The following POLD1 variants were observed in gnomAD, a reference collection of about 807,000 sequenced individuals.
POLD1 encodes the protein DNA polymerase delta 1, catalytic subunit.
Under a neutral mutation model 129.7 loss-of-function variants are expected in POLD1, and 79 were observed. The ratio of observed to expected loss-of-function variants is 0.61; its 90% CI spans 0.51 to 0.73. The LOEUF (loss-of-function observed/expected upper bound fraction) is 0.73, where lower values mean the gene tolerates loss of function less well. POLD1 is among the 30% of genes least tolerant of loss of function. The probability of loss-of-function intolerance (pLI) is 0.00; values close to 1 mark genes in which losing one functional copy is unlikely to be tolerated. For missense variants in POLD1, 1,338 were observed against 1,595.8 expected (o/e 0.84, Z 2.75); for synonymous variants, 714 against 683.3 (o/e 1.04, Z -0.70).
At chr19:50,408,945 G>T in intron 15 of POLD1, 44 bp downstream of exon 15, 1 of 1,565,480 alleles carries the variant, frequency 6.4e-7, no homozygotes, top group Non-Finnish European at 8.7e-7. Flanking sequence ...GCCCATCTGG[G>T]CCTTCCCTTG....
Position 50,413,811 on chromosome 19 carries a change from C to T in POLD1, c.2320C>T (p.Leu774=), listed in dbSNP as rs1197236198. The T allele has an allele frequency of 6.2e-7, 1 of 1,612,474 alleles. No individual in the cohort carries two copies. Among genetic ancestry groups the T allele is most frequent in the Non-Finnish European group, 8.5e-7 (1 of 1,179,634 alleles). Residue 774 remains leucine, a synonymous_variant, in exon 19 of 27, where the codon CTG becomes TTG. Coordinates refer to ENST00000440232, the MANE Select transcript of POLD1 (RefSeq NM_002691.4). ...GTCCTCGGTGGCTGAGGCGATGGCC[C>T]TGGGGCGGGAGGCCGCGGACTGGGT... ...GVSSVAEAMA[L]GREAADWVSG...
chr19:50,409,333 C>G lies in POLD1; in HGVS notation c.2006+98C>G, dbSNP rs896014676. On this transcript the variant is annotated intron_variant, in intron 16 of 26. Transcript: ENST00000440232. This position sits in a 1 kb window ranked among gnomAD's most constrained non-coding sequence, Gnocchi z 5.8. Reference sequence around the variant, plus strand: ...GACACCCCAGGGCTGCCCAGCCACCCTGCCCTCAGCTGTGCGTGAATTAGC... The same window carrying G: ...GACACCCCAGGGCTGCCCAGCCACCGTGCCCTCAGCTGTGCGTGAATTAGC... 8.3e-7 allele frequency: 1 copy of G among 1,207,078 alleles called. No individual in the cohort carries two copies. Among genetic ancestry groups the G allele is most frequent in the Non-Finnish European group, 1.2e-6 (1 of 832,364 alleles). 74.8% of individuals were successfully genotyped at this position (1,207,078 alleles called of 1,614,324 possible).
At chr19:50,390,176 T>G (rs537697681) in intron 1 of POLD1, among the ~76,000 whole-genome samples, 2 of 152,108 alleles carry the variant, frequency 1.3e-5, no homozygotes, top group African/African-American at 4.8e-5. Context: ...CTCATAGTGT[T>G]GGGATTACAG....
chr19:50,387,368 C>T (rs1235774172), intron 1 of POLD1, among the ~76,000 whole-genome samples: 1 of 152,150 alleles, frequency 6.6e-6, no homozygotes, highest in Non-Finnish European at 1.5e-5. Context: ...ATCGAGAAAA[C>T]TGGTGTCTGG....
intron 1 of POLD1, among the ~76,000 whole-genome samples, chr19:50,388,270 A>T (rs2038036278): frequency 6.6e-6 from 1 of 152,328 alleles, no homozygotes; most frequent in South Asian, 2.1e-4. Context: ...AACTCTGAAC[A>T]TACTAAATAC....
At chr19:50,407,893 C>G (rs2122353026) in intron 14 of POLD1, among the ~76,000 whole-genome samples, 1 of 150,324 alleles carries the variant, frequency 6.7e-6, no homozygotes, top group African/African-American at 2.4e-5. Context: ...TAAAAATTAG[C>G]CAGGCGTGGT....
chr19:50,394,969 GGGGTTCCA>G (rs1164880162), intron 1 of POLD1: 1 of 151,464 alleles, frequency 6.6e-6, no homozygotes, highest in Non-Finnish European at 1.5e-5. Flanking sequence ...CCAAGTAGCT[GGGGTTCCA>G]GGTGTGCGCC....
At chr19:50,401,945 C>A (rs2122235872) in intron 4 of POLD1, 21 bp downstream of exon 4, 1 of 1,614,094 alleles carries the variant, frequency 6.2e-7, no homozygotes, top group Non-Finnish European at 8.5e-7. Context: ...CCTACCCAGC[C>A]CCTCCCTGAG....
rs545962328 is a variant in POLD1 at position 50,413,855 on chromosome 19, G to A, written c.2364G>A (p.Ser788=). 12 of 1,606,700 alleles carry A rather than the reference G, an allele frequency of 7.5e-6. No homozygotes were observed. The highest frequency in any genetic ancestry group is 2.2e-5 in the South Asian group (2 of 90,182). ...AADWVSGHFP[S]PIRLEFEKVY... is the part of the protein sequence containing the mutation. ...ACTGGGTGTCAGGTCACTTCCCGTCGCCCATCCGGCTGGAGTTTGAGAAGG... is the reference window on the plus strand; with the variant it reads ...ACTGGGTGTCAGGTCACTTCCCGTCACCCATCCGGCTGGAGTTTGAGAAGG... The change falls in exon 19 of 27, where the codon TCG becomes TCA. Residue 788 remains serine (S), a synonymous_variant. Coordinates refer to ENST00000440232, the MANE Select transcript of POLD1 (RefSeq NM_002691.4).
At chr19:50,393,204 G>T (rs2038231382) in intron 1 of POLD1, among the ~76,000 whole-genome samples, 1 of 152,114 alleles carries the variant, frequency 6.6e-6, no homozygotes, top group Non-Finnish European at 1.5e-5. Flanking sequence ...TGTACAGTCA[G>T]CTGTATAGTG....
chr19:50,415,663 C>T (rs898767168), intron 21 of POLD1, 61 bp from the exon 22 acceptor site: 12 of 1,506,584 alleles, frequency 8.0e-6, no homozygotes, highest in Non-Finnish European at 1.1e-5. Flanking sequence ...CTTCCTACAC[C>T]CTCGCCCCCA....
chr19:50,400,973 G>A (rs912955869), intron 3 of POLD1, among the ~76,000 whole-genome samples: 1 of 151,746 alleles, frequency 6.6e-6, no homozygotes, highest in African/African-American at 2.4e-5. Flanking sequence ...TGAGATTACA[G>A]GCTTGAGCCA....
At chr19:50,391,126 C>G (rs574275834) in intron 1 of POLD1, among the ~76,000 whole-genome samples, 805 of 144,208 alleles carry the variant, frequency 5.6e-3, no homozygotes, top group African/African-American at 0.022. Context: ...AGGCGCTCCT[C>G]ACATCCCAGA....
chr19:50,416,058 C>T, intron 22 of POLD1: 2 of 575,810 alleles, frequency 3.5e-6, no homozygotes, highest in Non-Finnish European at 6.1e-6. Context: ...CCTGTGCATA[C>T]AGCTCCCCAG....
Position 50,402,030 on chromosome 19 carries a change from A to G in POLD1, c.495A>G (p.Gln165=), listed in dbSNP as rs756717437. ...GFGPEHMGDL[Q]RELNLAISRD... Reference sequence around the variant, plus strand: ...GGCCCGAGCACATGGGTGACCTGCAACGGGAGCTGAACTTGGCCATCAGCC... The same window carrying G: ...GGCCCGAGCACATGGGTGACCTGCAGCGGGAGCTGAACTTGGCCATCAGCC... The change falls in exon 5 of 27, where the codon CAA becomes CAG. Residue 165 remains glutamine (Q), a synonymous_variant. Transcript: ENST00000440232. 31 of 1,613,910 alleles carry G rather than the reference A, an allele frequency of 1.9e-5. No individual in the cohort carries two copies. The East Asian group carries it at 2.7e-4, about 14-fold the overall frequency.
intron 1 of POLD1, among the ~76,000 whole-genome samples, chr19:50,397,012 T>C (rs1340479672): frequency 6.6e-6 from 1 of 150,818 alleles, no homozygotes; most frequent in Non-Finnish European, 1.5e-5. Context: ...GGAGAATCTC[T>C]TGAATCTGGG....
intron 1 of POLD1, among the ~76,000 whole-genome samples, chr19:50,385,827 C>A (rs757439927): frequency 3.9e-5 from 6 of 152,070 alleles, no homozygotes; most frequent in Non-Finnish European, 8.8e-5. Flanking sequence ...CCACGCACGG[C>A]CGCTTCTCCT....
chr19:50,411,615 C>A (rs1601233253), intron 17 of POLD1, among the ~76,000 whole-genome samples: 2 of 152,078 alleles, frequency 1.3e-5, no homozygotes, highest in South Asian at 4.1e-4. Flanking sequence ...CCGAGGCGGG[C>A]GGATCACGAG....
In POLD1 at chr19:50,411,780, C is replaced by T. The variant is rs189419931; in HGVS notation, c.2155-1646C>T. On this transcript the variant is annotated intron_variant, in intron 17 of 26. Transcript: ENST00000440232. ...GCTTGAACCCAGGAGGCAGAGGTTGCAGTGAGCCGAGATTGCGCCAGTGCG... is the reference window on the plus strand; with the variant it reads ...GCTTGAACCCAGGAGGCAGAGGTTGTAGTGAGCCGAGATTGCGCCAGTGCG... Among the ~76,000 whole-genome samples the T allele has an allele frequency of 3.3e-5, 5 of 151,128 alleles. No homozygotes were observed. In the East Asian group the frequency reaches 9.8e-4, roughly 30 times the overall value.
Sources: gnomAD v4.1 joint callset for allele counts (sites outside exome capture counted in the v4.1 genomes callset) on GRCh38, gnomAD v4.1.1 for gene constraint, Gnocchi (gnomAD v3.1) non-coding constraint, MANE v1.5 for transcripts, NCBI Gene and HGNC (gene_info 2026-07-23, HGNC 2026-07-21) for gene names.